TIAM1: variants seen among roughly 807,000 people sequenced by gnomAD.
TIAM1 encodes the protein rho guanine nucleotide exchange factor TIAM1.
In TIAM1, 65 loss-of-function variants were observed where a neutral mutation model predicts 163.5. The ratio of observed to expected loss-of-function variants is 0.40; its 90% confidence interval spans 0.33 to 0.49. The LOEUF (loss-of-function observed/expected upper bound fraction) is 0.49. TIAM1 is among the 20% of genes least tolerant of loss of function. TIAM1 has a pLI of 0.77. For missense variants in TIAM1, 1,789 were observed against 2,044.7 expected (o/e 0.87, Z 2.41); for synonymous variants, 833 against 810.1 (o/e 1.03, Z -0.48).
chr21:31,372,448 G>T (rs141978344), intron 2 of TIAM1, among the ~76,000 whole-genome samples: 7 of 152,144 alleles, frequency 4.6e-5, no homozygotes, highest in African/African-American at 9.7e-5. Flanking sequence ...GGAGCCTTAG[G>T]GGGGCATCTG....
At chr21:31,470,347 C>T (rs11701292) in intron 1 of TIAM1, among the ~76,000 whole-genome samples, 103,671 of 150,878 alleles carry the variant, frequency 0.69, 36,044 homozygotes, top group African/African-American at 0.73. Flanking sequence ...ATTTATATTT[C>T]CTTGAGACAG....
chr21:31,546,380 T>G (rs978809780), intron 1 of TIAM1, among the ~76,000 whole-genome samples: 2 of 151,882 alleles, frequency 1.3e-5, no homozygotes. Flanking sequence ...CGAAACCCCA[T>G]GTCTACTAAA....
At chr21:31,258,458 G>A (rs2072249449) in intron 4 of TIAM1, among the ~76,000 whole-genome samples, 1 of 152,090 alleles carries the variant, frequency 6.6e-6, no homozygotes, top group South Asian at 2.1e-4. Context: ...CAGCCTAGTT[G>A]GATTATGTCT....
intron 1 of TIAM1, among the ~76,000 whole-genome samples, chr21:31,468,302 C>A (rs2147366155): frequency 6.6e-6 from 1 of 151,196 alleles, no homozygotes; most frequent in East Asian, 2.0e-4. Context: ...ATGGTGAAAC[C>A]CTGACTCTAC....
At chr21:31,285,566 A>G (rs879231829) in intron 2 of TIAM1, among the ~76,000 whole-genome samples, 1 of 152,230 alleles carries the variant, frequency 6.6e-6, no homozygotes, top group East Asian at 1.9e-4. Context: ...ACATGGTTAA[A>G]GAGAGATTTC....
At chr21:31,223,368 G>C (rs2087738084) in intron 8 of TIAM1, 38 bp downstream of exon 8, 6 of 1,574,712 alleles carry the variant, frequency 3.8e-6, no homozygotes, top group Non-Finnish European at 5.2e-6. Context: ...TAAGCGTCAA[G>C]CTTAATGTTT....
chr21:31,225,319 T>A (rs1267714764), intron 7 of TIAM1, among the ~76,000 whole-genome samples: 4 of 152,148 alleles, frequency 2.6e-5, no homozygotes, highest in African/African-American at 9.7e-5. Context: ...ATTTTTAATG[T>A]ACGTTACCTT....
At chr21:31,409,989 A>G (rs2077318143) in intron 2 of TIAM1, among the ~76,000 whole-genome samples, 1 of 151,904 alleles carries the variant, frequency 6.6e-6, no homozygotes, top group South Asian at 2.1e-4. Flanking sequence ...TTTCTCTGGC[A>G]CTACACGAGA....
chr21:31,496,128 TA>T, intron 1 of TIAM1, among the ~76,000 whole-genome samples: 1 of 152,108 alleles, frequency 6.6e-6, no homozygotes, highest in South Asian at 2.1e-4. Flanking sequence ...ACTAAAAGTT[TA>T]AAAAGTTAAA....
chr21:31,210,566 GAAAGAAAGAAAGAAAGAA>G, intron 10 of TIAM1, among the ~76,000 whole-genome samples: 1 of 115,426 alleles, frequency 8.7e-6, no homozygotes, highest in Non-Finnish European at 1.6e-5. Flanking sequence ...AAGAAAGAAA[GAAAGAAAGAAAGAAAGAA>G]AGAAAGAAAG....
intron 1 of TIAM1, among the ~76,000 whole-genome samples, chr21:31,544,078 C>T (rs1381708346): frequency 6.6e-6 from 1 of 151,046 alleles, no homozygotes; most frequent in Non-Finnish European, 1.5e-5. Context: ...GGCATGGTGG[C>T]AAGTGCCTGT....
At chr21:31,522,689 G>T (rs527359353) in intron 1 of TIAM1, among the ~76,000 whole-genome samples, 2 of 152,190 alleles carry the variant, frequency 1.3e-5, no homozygotes, top group Non-Finnish European at 2.9e-5. Flanking sequence ...CTTCTAACAC[G>T]AATGTTCCAC....
At chr21:31,284,557 C>T (rs1181934425) in intron 2 of TIAM1, among the ~76,000 whole-genome samples, 2 of 152,000 alleles carry the variant, frequency 1.3e-5, no homozygotes, top group Non-Finnish European at 2.9e-5. Context: ...CTCGCTCTGT[C>T]ACCCAGGCTG....
At chr21:31,245,380 A>T in intron 6 of TIAM1, 108 bp downstream of exon 6, 12 of 776,376 alleles carry the variant, frequency 1.5e-5, no homozygotes, top group Admixed American at 4.8e-5. Flanking sequence ...ACTAAAAAAA[A>T]AAAAAAAAAA....
chr21:31,207,640 GCACCTGGC>G (rs759232816), intron 11 of TIAM1, among the ~76,000 whole-genome samples: 3 of 152,098 alleles, frequency 2.0e-5, no homozygotes, highest in Non-Finnish European at 4.4e-5. Flanking sequence ...GCTTTAGAAG[GCACCTGGC>G]CCTGAGCATA....
chr21:31,538,964 C>T lies in TIAM1; in HGVS notation c.-422+19963G>A, dbSNP rs368247638. Among the ~76,000 whole-genome samples, 70 of 152,206 alleles carry T rather than the reference C, an allele frequency of 4.6e-4. 1 individual carries two copies. Among genetic ancestry groups the T allele is most frequent in the South Asian group, 1.7e-3 (8 of 4,824 alleles). ...GGAAACACCACATTTAAACAGGTGC[C>T]GTAACAGTAAAGGGGCCCCATAAAT... On this transcript the variant is annotated intron_variant, in intron 1 of 28. Coordinates refer to the TIAM1 transcript ENST00000286827.
At chr21:31,504,355 G>A (rs766179079) in intron 1 of TIAM1, among the ~76,000 whole-genome samples, 1 of 152,182 alleles carries the variant, frequency 6.6e-6, no homozygotes, top group African/African-American at 2.4e-5. Flanking sequence ...ACCCTTTGGG[G>A]TAATTCATTC....
chr21:31,295,343 A>C (rs532044518), intron 2 of TIAM1, among the ~76,000 whole-genome samples: 1 of 151,846 alleles, frequency 6.6e-6, no homozygotes, highest in South Asian at 2.1e-4. Flanking sequence ...GGTGGCAGGC[A>C]CCTGTAGTCC....
intron 1 of TIAM1, among the ~76,000 whole-genome samples, chr21:31,523,810 CG>C (rs1023698318): frequency 3.0e-4 from 45 of 151,622 alleles, no homozygotes; most frequent in African/African-American, 1.1e-3. Context: ...CTCAGCTACC[CG>C]GGAGGCTAAG....
Sources: gnomAD v4.1 joint callset for allele counts (sites outside exome capture counted in the v4.1 genomes callset) on GRCh38, gnomAD v4.1.1 for gene constraint, MANE v1.5 for transcripts, NCBI Gene and HGNC (gene_info 2026-07-23, HGNC 2026-07-21) for gene names.